Variants in BICC1 observed in about 807,000 individuals in gnomAD.
BICC1 encodes the protein BicC family RNA binding protein 1, also known as protein bicaudal C homolog 1.
Under a neutral mutation model 111.0 loss-of-function variants are expected in BICC1, and 43 were observed. That is an observed-to-expected ratio of 0.39 (90% confidence interval 0.30 to 0.50). BICC1 has a LOEUF of 0.50. Among genes scored for constraint, BICC1 ranks in the 20% least tolerant of loss-of-function variants. The pLI is 0.88. For synonymous variants in BICC1, 467 were observed against 434.4 expected (o/e 1.07, Z -0.93); for missense variants, 1,091 against 1,203.2 (o/e 0.91, Z 1.38).
chr10:58,775,390 C>CA (rs1474240344), intron 3 of BICC1, among the ~76,000 whole-genome samples: 39 of 150,286 alleles, frequency 2.6e-4, no homozygotes, highest in Non-Finnish European at 4.9e-4. Flanking sequence ...AAACAAAAAA[C>CA]AAAAAACAAA....
At chr10:58,684,479 A>T (rs1189300118) in intron 2 of BICC1, among the ~76,000 whole-genome samples, 6 of 152,218 alleles carry the variant, frequency 3.9e-5, no homozygotes, top group African/African-American at 1.4e-4. Flanking sequence ...CCTCTGGTAG[A>T]AATCGGCTGT....
At chr10:58,727,413 C>T (rs1841140514) in intron 3 of BICC1, among the ~76,000 whole-genome samples, 1 of 151,980 alleles carries the variant, frequency 6.6e-6, no homozygotes. Flanking sequence ...ATGGTGCAAC[C>T]CCATTTCTAC....
intron 3 of BICC1, among the ~76,000 whole-genome samples, chr10:58,718,424 A>C (rs551608946): frequency 2.0e-5 from 3 of 152,206 alleles, no homozygotes; most frequent in Non-Finnish European, 4.4e-5. Flanking sequence ...GTAGGTTTCA[A>C]CATAGGAATT....
chr10:58,572,481 T>A (rs1484776903), intron 1 of BICC1, among the ~76,000 whole-genome samples: 1 of 152,158 alleles, frequency 6.6e-6, no homozygotes, highest in East Asian at 1.9e-4. Flanking sequence ...TTATAGATGA[T>A]CTTGTTGGAA....
intron 1 of BICC1, among the ~76,000 whole-genome samples, chr10:58,595,995 C>A (rs1844801324): frequency 6.6e-6 from 1 of 152,110 alleles, no homozygotes; most frequent in Non-Finnish European, 1.5e-5. Flanking sequence ...AGAGAAGACT[C>A]AATTAGACAC....
Position 58,808,671 on chromosome 10 carries a change from GT to G in BICC1, c.2376+1514del, listed in dbSNP as rs1381805902. Among the ~76,000 whole-genome samples the G allele has an allele frequency of 2.6e-5, 4 of 152,058 alleles. No homozygotes were observed. In the East Asian group the frequency reaches 7.7e-4, roughly 29 times the overall value. Reference sequence around the variant, plus strand: ...AGAAGGGCATTGGAGAGGGCATCCAGTGATTAGCATGATGTGTTGTCAGTTC... The same window carrying G: ...AGAAGGGCATTGGAGAGGGCATCCAGGATTAGCATGATGTGTTGTCAGTTC... On this transcript the variant is annotated intron_variant, in intron 17 of 20. Transcript: ENST00000373886.
At chr10:58,538,665 A>C (rs1325472320) in intron 1 of BICC1, among the ~76,000 whole-genome samples, 2 of 151,904 alleles carry the variant, frequency 1.3e-5, no homozygotes, top group African/African-American at 4.8e-5. Flanking sequence ...TTAAATAGAC[A>C]ACCTACAGAA....
At chr10:58,524,963 G>T (rs1349978749) in intron 1 of BICC1, among the ~76,000 whole-genome samples, 1 of 151,878 alleles carries the variant, frequency 6.6e-6, no homozygotes, top group Non-Finnish European at 1.5e-5. Flanking sequence ...ATGAAAAAAT[G>T]CTCATCATCA....
At chr10:58,742,023 A>G (rs189812332) in intron 3 of BICC1, among the ~76,000 whole-genome samples, 15 of 152,350 alleles carry the variant, frequency 9.8e-5, no homozygotes, top group Admixed American at 9.8e-4. Context: ...CAAAAAATGA[A>G]AGGTATACTT....
intron 1 of BICC1, among the ~76,000 whole-genome samples, chr10:58,561,179 A>G (rs1212350475): frequency 6.6e-6 from 1 of 151,988 alleles, no homozygotes; most frequent in Non-Finnish European, 1.5e-5. Flanking sequence ...CTCCCTTTTA[A>G]TATAATAATA....
rs2393436 is a variant in BICC1, at chr10:58,548,419, T to C, written c.190+35086T>C. On this transcript the variant is annotated intron_variant, in intron 1 of 20. Coordinates refer to ENST00000373886, the MANE Select transcript of BICC1 (RefSeq NM_001080512.3). ...GTCAGCATCTTTCCCATTCCATCAC[T>C]GAGTGTATTTTATACATTTGCTAGA... 5.6e-3 allele frequency among the ~76,000 whole-genome samples: 855 copies of C among 152,312 alleles called. 8 individuals are homozygous for C. Among genetic ancestry groups the C allele is most frequent in the African/African-American group, 0.02 (815 of 41,558 alleles).
chr10:58,825,478 C>T (rs1455388610), intron 20 of BICC1, among the ~76,000 whole-genome samples: 2 of 152,078 alleles, frequency 1.3e-5, no homozygotes, highest in Non-Finnish European at 2.9e-5. Flanking sequence ...CATTTACTAC[C>T]ATACAATATA....
At chr10:58,718,787 C>T (rs540375294) in intron 3 of BICC1, among the ~76,000 whole-genome samples, 32 of 142,904 alleles carry the variant, frequency 2.2e-4, no homozygotes, top group African/African-American at 5.9e-4. Flanking sequence ...TGCGCGCGTG[C>T]GCACGCCCGC....
chr10:58,695,046 G>C (rs540917732), intron 2 of BICC1, among the ~76,000 whole-genome samples: 1 of 152,260 alleles, frequency 6.6e-6, no homozygotes, highest in South Asian at 2.1e-4. Flanking sequence ...CAGCTATACA[G>C]TAAGTTTATC....
intron 3 of BICC1, among the ~76,000 whole-genome samples, chr10:58,743,116 G>T (rs188530622): frequency 6.6e-6 from 1 of 152,314 alleles, no homozygotes; most frequent in East Asian, 1.9e-4. Flanking sequence ...GCATTCGGGT[G>T]GTGGTGGTTG....
chr10:58,819,015 T>C (rs1342638119), intron 19 of BICC1, among the ~76,000 whole-genome samples: 1 of 152,172 alleles, frequency 6.6e-6, no homozygotes, highest in Admixed American at 6.6e-5. Flanking sequence ...CAGAGGGACT[T>C]AATGTAATAT....
chr10:58,682,233 T>C (rs1336156733), intron 2 of BICC1, among the ~76,000 whole-genome samples: 1 of 152,186 alleles, frequency 6.6e-6, no homozygotes, highest in Non-Finnish European at 1.5e-5. Context: ...TTCCATGGTG[T>C]ATATGTGCCA....
chr10:58,527,351 T>A (rs1288889392), intron 1 of BICC1, among the ~76,000 whole-genome samples: 1 of 152,204 alleles, frequency 6.6e-6, no homozygotes, highest in African/African-American at 2.4e-5. Flanking sequence ...ATTGTAAAAA[T>A]TTTCTCCTAT....
chr10:58,616,501 G>A (rs1275125235), intron 1 of BICC1, among the ~76,000 whole-genome samples: 4 of 152,072 alleles, frequency 2.6e-5, no homozygotes, highest in Admixed American at 2.6e-4. Context: ...GGGGTGTAAA[G>A]CCTTTTCTGT....
Sources: allele counts gnomAD v4.1 joint callset (sites outside exome capture counted in the v4.1 genomes callset), GRCh38; gene constraint gnomAD v4.1.1; transcripts MANE v1.5; gene names NCBI Gene and HGNC (gene_info 2026-07-23, HGNC 2026-07-21).